The following NKAIN2 variants were observed in gnomAD, a reference collection of about 807,000 sequenced individuals.
The protein encoded by NKAIN2 is sodium/potassium-transporting ATPase subunit beta-1-interacting protein 2.
NKAIN2 carries 14 observed loss-of-function variants against 32.6 expected under a neutral mutation model. The ratio of observed to expected loss-of-function variants is 0.43; its 90% CI spans 0.28 to 0.67. NKAIN2 has a LOEUF of 0.67. Among genes scored for constraint, NKAIN2 ranks in the 30% least tolerant of loss-of-function variants. The pLI is 0.17. For missense variants in NKAIN2, 198 were observed against 258.3 expected (o/e 0.77, Z 1.60); for synonymous variants, 80 against 87.2 (o/e 0.92, Z 0.46).
chr6:124,525,387 G>T (rs1026141995), intron 3 of NKAIN2, among the ~76,000 whole-genome samples: 1 of 151,972 alleles, frequency 6.6e-6, no homozygotes, highest in Admixed American at 6.6e-5. Context: ...TTTTATGAGT[G>T]CAGTACTTGC....
At chr6:124,054,346 A>G (rs1257758836) in intron 1 of NKAIN2, among the ~76,000 whole-genome samples, 1 of 152,058 alleles carries the variant, frequency 6.6e-6, no homozygotes, top group Non-Finnish European at 1.5e-5. Context: ...GTGGTTGGAA[A>G]TGGTAGGATA....
At chr6:124,032,023 A>T (rs1423215966) in intron 1 of NKAIN2, among the ~76,000 whole-genome samples, 2 of 152,068 alleles carry the variant, frequency 1.3e-5, no homozygotes, top group Non-Finnish European at 2.9e-5. Flanking sequence ...TCAAATGTCC[A>T]TCAATGATAG....
At chr6:124,298,991 T>A (rs539931431) in intron 2 of NKAIN2, among the ~76,000 whole-genome samples, 34 of 152,372 alleles carry the variant, frequency 2.2e-4, no homozygotes, top group African/African-American at 7.7e-4. Context: ...ATTTAATGAC[T>A]AAGCATTTTA....
intron 5 of NKAIN2, among the ~76,000 whole-genome samples, chr6:124,807,051 C>T (rs1408775944): frequency 6.6e-6 from 1 of 152,044 alleles, no homozygotes; most frequent in Admixed American, 6.5e-5. Context: ...GAGACTTTAA[C>T]ACCCCACTGT....
At chr6:124,371,558 G>C (rs957083878) in intron 3 of NKAIN2, among the ~76,000 whole-genome samples, 1 of 151,922 alleles carries the variant, frequency 6.6e-6, no homozygotes, top group Admixed American at 6.6e-5. Flanking sequence ...GCTGGGCATG[G>C]TGACGTGTGC....
intron 2 of NKAIN2, among the ~76,000 whole-genome samples, chr6:124,346,678 A>G (rs1455393547): frequency 2.0e-5 from 3 of 150,396 alleles, no homozygotes; most frequent in South Asian, 2.1e-4. Context: ...TTTGTTTTCC[A>G]TTTGCTTGGT....
chr6:124,613,031 G>A (rs1293509816), intron 3 of NKAIN2, among the ~76,000 whole-genome samples: 1 of 152,134 alleles, frequency 6.6e-6, no homozygotes, highest in Admixed American at 6.6e-5. Context: ...CATGCCAGCA[G>A]GACTAGAATG....
At chr6:124,695,840 ACTC>A (rs1774472277) in intron 4 of NKAIN2, among the ~76,000 whole-genome samples, 2 of 152,178 alleles carry the variant, frequency 1.3e-5, no homozygotes, top group South Asian at 4.1e-4. Context: ...CATGGCCAAC[ACTC>A]CTCTAAGTAA....
chr6:124,045,655 G>A (rs996072931), intron 1 of NKAIN2, among the ~76,000 whole-genome samples: 7 of 151,970 alleles, frequency 4.6e-5, no homozygotes, highest in African/African-American at 1.7e-4. Flanking sequence ...TGAAAGATTA[G>A]AAATGAAACT....
chr6:123,903,929 GAAAA>G (rs1774728723), intron 1 of NKAIN2, among the ~76,000 whole-genome samples: 1 of 143,550 alleles, frequency 7.0e-6, no homozygotes, highest in Non-Finnish European at 1.5e-5. Flanking sequence ...TTTTTCTAAA[GAAAA>G]CAAGAAATGA....
At chr6:124,720,649 CTCTA>C (rs1204936130) in intron 4 of NKAIN2, among the ~76,000 whole-genome samples, 9 of 152,092 alleles carry the variant, frequency 5.9e-5, no homozygotes, top group African/African-American at 2.2e-4. Flanking sequence ...TTTGGATATT[CTCTA>C]TCTAAAATAG....
chr6:124,474,056 C>T (rs1777084070), intron 3 of NKAIN2, among the ~76,000 whole-genome samples: 1 of 151,980 alleles, frequency 6.6e-6, no homozygotes, highest in African/African-American at 2.4e-5. Flanking sequence ...TCAGTGGAAG[C>T]CAAAGCACAA....
chr6:124,487,614 T>C (rs1379038673), intron 3 of NKAIN2, among the ~76,000 whole-genome samples: 1 of 152,184 alleles, frequency 6.6e-6, no homozygotes, highest in Non-Finnish European at 1.5e-5. Flanking sequence ...AGTAACTTTT[T>C]ATAAAAAAGT....
intron 1 of NKAIN2, among the ~76,000 whole-genome samples, chr6:123,813,439 A>T (rs1171197872): frequency 6.6e-6 from 1 of 152,142 alleles, no homozygotes; most frequent in Non-Finnish European, 1.5e-5. Flanking sequence ...TGCGGGGATG[A>T]TATTAGGGTT....
chr6:124,322,534 C>G (rs1215627387), intron 2 of NKAIN2, among the ~76,000 whole-genome samples: 1 of 152,120 alleles, frequency 6.6e-6, no homozygotes, highest in Non-Finnish European at 1.5e-5. Context: ...TTATACCCAC[C>G]CTCATCATCC....
chr6:124,172,803 A>T (rs1249856155), intron 1 of NKAIN2, among the ~76,000 whole-genome samples: 1 of 152,148 alleles, frequency 6.6e-6, no homozygotes, highest in Non-Finnish European at 1.5e-5. Flanking sequence ...CTGGAGCTCA[A>T]GCAACTTATA....
chr6:124,281,603 G>T (rs1232825129), intron 1 of NKAIN2, among the ~76,000 whole-genome samples: 1 of 152,038 alleles, frequency 6.6e-6, no homozygotes, highest in Non-Finnish European at 1.5e-5. Flanking sequence ...TTTAATTATG[G>T]CGAAGATGCA....
chr6:123,938,767 G>T (rs796427248), intron 1 of NKAIN2, among the ~76,000 whole-genome samples: 18 of 151,226 alleles, frequency 1.2e-4, no homozygotes, highest in African/African-American at 4.4e-4. Flanking sequence ...ACTGGTAACT[G>T]TCTTAACCTA....
intron 4 of NKAIN2, among the ~76,000 whole-genome samples, chr6:124,759,039 C>A (rs775664264): frequency 2.6e-5 from 4 of 152,104 alleles, no homozygotes; most frequent in Non-Finnish European, 1.5e-5. Context: ...ACTTCCTTAA[C>A]GCTATTCATT....
Sources: allele counts gnomAD v4.1 joint callset (sites outside exome capture counted in the v4.1 genomes callset), GRCh38; gene constraint gnomAD v4.1.1; transcripts MANE v1.5; gene names NCBI Gene and HGNC (gene_info 2026-07-23, HGNC 2026-07-21).